The following FN3KRP variants were observed in gnomAD, a reference collection of about 807,000 sequenced individuals.
FN3KRP encodes fructosamine 3 kinase related protein.
Under a neutral mutation model 29.8 loss-of-function variants are expected in FN3KRP, and 33 were observed. That is an observed-to-expected ratio of 1.11 (90% confidence interval 0.84 to 1.48). FN3KRP has a LOEUF of 1.48. Ranked by LOEUF, FN3KRP falls within the 40% of genes most tolerant of loss-of-function variation. The pLI is 0.00. For missense variants in FN3KRP, 430 were observed against 402.6 expected (o/e 1.07, Z -0.58); for synonymous variants, 157 against 155.2 (o/e 1.01, Z -0.09).
intron 3 of FN3KRP, among the ~76,000 whole-genome samples, chr17:82,721,834 T>C (rs1405138944): frequency 6.7e-6 from 1 of 149,272 alleles, no homozygotes; most frequent in Non-Finnish European, 1.5e-5. Context: ...TTATGTTTTG[T>C]TTTGTTTTGT....
rs1209522944 is a variant in FN3KRP at position 82,716,714 on chromosome 17, TC to T, written c.-41del. ...GCCCGCTCGGCCGCCGTCTCTCGAG[TC>T]TCCGCCAGATCCGGGGCGGGTCCGC... On this transcript the variant is annotated 5_prime_UTR_variant, in exon 1 of 6. Coordinates refer to ENST00000269373, the MANE Select transcript of FN3KRP (RefSeq NM_024619.4). 6.9e-7 allele frequency: 1 copy of T among 1,451,046 alleles called. No homozygotes were observed. The highest frequency in any genetic ancestry group is 1.5e-5 in the African/African-American group (1 of 66,734). The allele number at this position is 1,451,046 out of a possible 1,614,324, so 89.9% of individuals were successfully genotyped here.
chr17:82,720,466 G>A (rs1040313086), intron 3 of FN3KRP, 103 bp downstream of exon 3: 229 of 819,320 alleles, frequency 2.8e-4, no homozygotes, highest in Non-Finnish European at 3.9e-4. Context: ...AGGGTCGGAC[G>A]TGGGCTGATG....
At chr17:82,718,647 G>T (rs2046776593) in intron 1 of FN3KRP, 1 of 1,255,994 alleles carries the variant, frequency 8.0e-7, no homozygotes. Context: ...TCTCTCCAGA[G>T]AACCTCCCAA....
rs1425589419 is a variant in FN3KRP, at chr17:82,727,000, G to A, written c.759G>A (p.Gly253=). 6.2e-7 allele frequency: 1 copy of A among 1,613,982 alleles called. No homozygotes were observed. Among genetic ancestry groups the A allele is most frequent in the Non-Finnish European group, 8.5e-7 (1 of 1,180,042 alleles). ...EYELAIAGMF[G]GFSSSFYSAY... The stretch of plus-strand genomic sequence containing the variant: ...AGCTGGCAATAGCTGGCATGTTTGG[G>A]GGCTTTAGCAGCTCCTTTTACTCCG... Residue 253 remains glycine (G), a synonymous_variant, in exon 6 of 6, where the codon GGG becomes GGA. Coordinates refer to ENST00000269373, the MANE Select transcript of FN3KRP (RefSeq NM_024619.4).
chr17:82,727,251 G>T lies in FN3KRP; in HGVS notation c.*80G>T. ...GCAAATTCTTGTTTCTTCACATGCT[G>T]GACTAGCTTAAGACCAATGCAGTAG... On this transcript the variant is annotated 3_prime_UTR_variant, in exon 6 of 6. Transcript: ENST00000269373. The T allele has an allele frequency of 8.1e-7, 1 of 1,231,002 alleles. No individual in the cohort carries two copies. The highest frequency in any genetic ancestry group is 1.4e-5 in the South Asian group (1 of 70,208). 76.3% of individuals were successfully genotyped at this position (1,231,002 alleles called of 1,614,324 possible).
chr17:82,722,648 T>G (rs941335530), intron 3 of FN3KRP, 156 bp from the exon 4 acceptor site: 13 of 622,074 alleles, frequency 2.1e-5, no homozygotes, highest in Non-Finnish European at 3.4e-5. Context: ...TTAGGGGTGT[T>G]GTGTGAGCTG....
At chr17:82,718,872 T>C in intron 1 of FN3KRP, 34 bp from the exon 2 acceptor site, 1 of 1,604,612 alleles carries the variant, frequency 6.2e-7, no homozygotes, top group Non-Finnish European at 8.5e-7. Flanking sequence ...CTTGCCTCCC[T>C]GTATTTCCAC....
chr17:82,722,944 G>T, intron 4 of FN3KRP, 58 bp downstream of exon 4: 4 of 1,474,684 alleles, frequency 2.7e-6, no homozygotes, highest in Non-Finnish European at 3.7e-6. Context: ...AGACACACGG[G>T]TTGGGGGGAC....
chr17:82,726,632 C>T (rs745434811), intron 5 of FN3KRP, 30 bp downstream of exon 5: 2 of 1,595,076 alleles, frequency 1.3e-6, no homozygotes, highest in Non-Finnish European at 1.7e-6. Flanking sequence ...ATGCCCAGCA[C>T]CTGCCACACA....
intron 1 of FN3KRP, among the ~76,000 whole-genome samples, chr17:82,717,316 G>A (rs1182130746): frequency 6.6e-6 from 1 of 152,172 alleles, no homozygotes; most frequent in African/African-American, 2.4e-5. Flanking sequence ...CTCTGGAGGT[G>A]TCCATCCCCC....
rs1365011706 is a variant in FN3KRP at position 82,727,255 on chromosome 17, T to G, written c.*84T>G. On this transcript the variant is annotated 3_prime_UTR_variant, in exon 6 of 6. Transcript: ENST00000269373. ...ATTCTTGTTTCTTCACATGCTGGAC[T>G]AGCTTAAGACCAATGCAGTAGCTTA... 5.8e-6 allele frequency: 7 copies of G among 1,199,678 alleles called. No homozygotes were observed. Among genetic ancestry groups the G allele is most frequent in the Admixed American group, 2.2e-5 (1 of 46,442 alleles). The allele number at this position is 1,199,678 out of a possible 1,614,324, so 74.3% of individuals were successfully genotyped here.
intron 1 of FN3KRP, chr17:82,718,598 T>TG: frequency 1.8e-6 from 2 of 1,119,478 alleles, no homozygotes; most frequent in Non-Finnish European, 2.2e-6. Flanking sequence ...GTCCCACTGT[T>TG]GCCGGATCTT....
At chr17:82,720,595 G>A (rs528215600) in intron 3 of FN3KRP, among the ~76,000 whole-genome samples, 55 of 152,346 alleles carry the variant, frequency 3.6e-4, no homozygotes, top group African/African-American at 1.3e-3. Context: ...CTGGACACAA[G>A]ACACCCCTAG....
Position 82,716,738 on chromosome 17 carries a change from C to T in FN3KRP, c.-18C>T, listed in dbSNP as rs745306587. 1 of 1,482,794 alleles carries T rather than the reference C, an allele frequency of 6.7e-7. No individual in the cohort carries two copies. Among genetic ancestry groups the T allele is most frequent in the Non-Finnish European group, 8.9e-7 (1 of 1,123,794 alleles). The allele number at this position is 1,482,794 out of a possible 1,614,324, so 91.9% of individuals were successfully genotyped here. ...GTCTCCGCCAGATCCGGGGCGGGTCCGCGGCCGCGGCGGGAACATGGAGGA... is the reference window on the plus strand; with the variant it reads ...GTCTCCGCCAGATCCGGGGCGGGTCTGCGGCCGCGGCGGGAACATGGAGGA... On this transcript the variant is annotated 5_prime_UTR_variant, in exon 1 of 6. Transcript: ENST00000269373.
rs1279292286 is a variant in FN3KRP, at chr17:82,726,601, A to T, written c.590A>T (p.Gln197Leu). ...REALQLWSAL[Q>L]LKIPDLFRDL... ...GCCCTCCAGCTTTGGTCTGCTCTGC[A>T]GGTGAGTGGGGCCCCACTGCATGCC... Residue 197 changes from glutamine to leucine, a missense_variant and splice_region_variant, in exon 5 of 6, where the codon CAG (glutamine) becomes CTG (leucine). By Grantham distance (113) the Gln-to-Leu change is moderately radical. Coordinates refer to ENST00000269373, the MANE Select transcript of FN3KRP (RefSeq NM_024619.4). 1 of 1,611,014 alleles carries T rather than the reference A, an allele frequency of 6.2e-7. No individual in the cohort carries two copies. Among genetic ancestry groups the T allele is most frequent in the Non-Finnish European group, 8.5e-7 (1 of 1,178,580 alleles).
At chr17:82,721,280 G>T (rs1442926888) in intron 3 of FN3KRP, among the ~76,000 whole-genome samples, 4 of 152,060 alleles carry the variant, frequency 2.6e-5, no homozygotes, top group East Asian at 3.9e-4. Flanking sequence ...TAGAGACGGG[G>T]TTTCACCATG....
At position 82,727,720 on chromosome 17, in the gene FN3KRP, C is replaced by T; in HGVS notation, c.*549C>T. The T allele has an allele frequency of 6.5e-6, 1 of 153,050 alleles. No homozygotes were observed. The highest frequency in any genetic ancestry group is 1.5e-5 in the Non-Finnish European group (1 of 68,554). The allele number at this position is 153,050 out of a possible 1,614,324, so 9.5% of individuals were successfully genotyped here. ...GTTTTCTTCCTGCATGATCCCTGGG[C>T]CCTCCCGCAGGCTGAGCAAGTCTGT... is the stretch of plus-strand genomic sequence containing the variant. On this transcript the variant is annotated 3_prime_UTR_variant, in exon 6 of 6. Transcript: ENST00000269373.
intron 4 of FN3KRP, among the ~76,000 whole-genome samples, chr17:82,723,638 C>T (rs916143522): frequency 6.6e-5 from 10 of 151,902 alleles, no homozygotes; most frequent in Admixed American, 1.3e-4. Context: ...TGTGTGCACA[C>T]GTGTGTGCAT....
chr17:82,727,479 C>T lies in FN3KRP; in HGVS notation c.*308C>T, dbSNP rs556745340. ...AACTGTAAGTGAACCCCTGTGGGTGCGGGGGAGGGTATCCGGTGCGCAGGG... is the reference window on the plus strand; with the variant it reads ...AACTGTAAGTGAACCCCTGTGGGTGTGGGGGAGGGTATCCGGTGCGCAGGG... On this transcript the variant is annotated 3_prime_UTR_variant, in exon 6 of 6. Transcript: ENST00000269373. 67 of 271,932 alleles carry T rather than the reference C, an allele frequency of 2.5e-4. No homozygotes were observed. In the South Asian group the frequency reaches 4.4e-3, roughly 18 times the overall value. 16.8% of individuals were successfully genotyped at this position (271,932 alleles called of 1,614,324 possible). A position where few individuals can be genotyped will look rare whatever the true frequency, so the allele number is the denominator to read the frequency against.
Sources: gnomAD v4.1 joint callset for allele counts (sites outside exome capture counted in the v4.1 genomes callset) on GRCh38, gnomAD v4.1.1 for gene constraint, MANE v1.5 for transcripts, NCBI Gene and HGNC (gene_info 2026-07-23, HGNC 2026-07-21) for gene names.